Variants in VAMP4 observed in about 807,000 individuals in gnomAD.
The protein encoded by VAMP4 is vesicle-associated membrane protein 4.
A neutral mutation model predicts 23.5 loss-of-function variants in VAMP4; 19 were observed. The ratio of observed to expected loss-of-function variants is 0.81; its 90% CI spans 0.56 to 1.19. The LOEUF (loss-of-function observed/expected upper bound fraction) is 1.19. Among genes scored for constraint, VAMP4 ranks in the 50% most tolerant of loss-of-function variants. VAMP4 has a pLI of 0.00. For synonymous variants in VAMP4, 31 were observed against 51.0 expected (o/e 0.61, Z 1.67); for missense variants, 145 against 168.6 (o/e 0.86, Z 0.78).
Position 171,703,425 on chromosome 1 carries a change from G to GTT in VAMP4, c.*1080_*1081insAA, listed in dbSNP as rs1330620854. 1.2e-5 allele frequency: 1 copy of GTT among 80,674 alleles called. No homozygotes were observed. The highest frequency in any genetic ancestry group is 4.8e-5 in the African/African-American group (1 of 20,922). 5.0% of individuals were successfully genotyped at this position (80,674 alleles called of 1,614,324 possible). A position where few individuals can be genotyped will look rare whatever the true frequency, so the allele number is the denominator to read the frequency against. On this transcript the variant is annotated 3_prime_UTR_variant, in exon 8 of 8. Transcript: ENST00000236192. Reference sequence around the variant, plus strand: ...TGTGTGTGTGTGTGTGTGTTTGTGTGTATATATATATATATATATATATAT... The same window carrying GTT: ...TGTGTGTGTGTGTGTGTGTTTGTGTGTTTATATATATATATATATATATATAT...
At chr1:171,724,548 CA>C (rs569517352) in intron 3 of VAMP4, among the ~76,000 whole-genome samples, 58 of 152,128 alleles carry the variant, frequency 3.8e-4, no homozygotes, top group Admixed American at 1.3e-3. Context: ...CTGAAAACTA[CA>C]AAACACTGCT....
At chr1:171,716,341 A>G (rs1283093831) in intron 4 of VAMP4, among the ~76,000 whole-genome samples, 1 of 152,222 alleles carries the variant, frequency 6.6e-6, no homozygotes, top group Non-Finnish European at 1.5e-5. Flanking sequence ...GTCTGCTTAT[A>G]TAAATGAAAC....
intron 4 of VAMP4, among the ~76,000 whole-genome samples, chr1:171,717,073 T>G (rs1474606559): frequency 2.0e-5 from 3 of 152,202 alleles, no homozygotes; most frequent in African/African-American, 7.2e-5. Flanking sequence ...TAATGCCTAC[T>G]CTGTACAACT....
At chr1:171,705,593 G>T (rs969675063) in intron 7 of VAMP4, among the ~76,000 whole-genome samples, 6 of 152,030 alleles carry the variant, frequency 3.9e-5, no homozygotes, top group Non-Finnish European at 8.8e-5. Flanking sequence ...TGATTTTGGG[G>T]TTACAAATAA....
At chr1:171,715,927 G>C (rs1007926426) in intron 4 of VAMP4, among the ~76,000 whole-genome samples, 2 of 152,120 alleles carry the variant, frequency 1.3e-5, no homozygotes, top group African/African-American at 4.8e-5. Context: ...ATTGAGCCCA[G>C]GATTTTGAGG....
Position 171,728,456 on chromosome 1 carries a change from T to C in VAMP4, c.113+68A>G, listed in dbSNP as rs893439744. The C allele has an allele frequency of 7.7e-6, 10 of 1,290,794 alleles. No homozygotes were observed. The Admixed American group carries it at 2.5e-4, about 32-fold the overall frequency. 80.0% of individuals were successfully genotyped at this position (1,290,794 alleles called of 1,614,324 possible). A position where few individuals can be genotyped will look rare whatever the true frequency, so the allele number is the denominator to read the frequency against. ...TGCATATCTGTCAAAATGTATACAG[T>C]ATATTTTAGATATATGCATGTATTG... On this transcript the variant is annotated intron_variant, in intron 3 of 7. Coordinates refer to ENST00000236192, the MANE Select transcript of VAMP4 (RefSeq NM_003762.5).
rs1654535687 is a variant in VAMP4, at chr1:171,703,449, A to ATATATATATATATG, written c.*1056_*1057insCATATATATATATA. ...TGTATATATATATATATATATATAT[A>ATATATATATATATG]TATATATATATATATATATACACAT... On this transcript the variant is annotated 3_prime_UTR_variant, in exon 8 of 8. Transcript: ENST00000236192. 8.9e-6 allele frequency: 1 copy of ATATATATATATATG among 112,036 alleles called. No homozygotes were observed. The highest frequency in any genetic ancestry group is 3.5e-5 in the African/African-American group (1 of 28,814). 6.9% of individuals were successfully genotyped at this position (112,036 alleles called of 1,614,324 possible). A position where few individuals can be genotyped will look rare whatever the true frequency, so the allele number is the denominator to read the frequency against.
At chr1:171,708,709 A>G (rs1029401955) in intron 6 of VAMP4, among the ~76,000 whole-genome samples, 1 of 151,332 alleles carries the variant, frequency 6.6e-6, no homozygotes, top group East Asian at 1.9e-4. Context: ...AAAAAAAAAA[A>G]AAACAAAAAA....
At chr1:171,731,559 CAA>C (rs906790784) in intron 2 of VAMP4, among the ~76,000 whole-genome samples, 1 of 152,060 alleles carries the variant, frequency 6.6e-6, no homozygotes, top group Non-Finnish European at 1.5e-5. Flanking sequence ...AGCTGAGATC[CAA>C]ATAACAAAGA....
chr1:171,704,786 A>G (rs1024329731), intron 7 of VAMP4, among the ~76,000 whole-genome samples: 6 of 152,158 alleles, frequency 3.9e-5, no homozygotes, highest in Admixed American at 1.3e-4. Context: ...CTGTTAAAAT[A>G]TTACTAAAAA....
Position 171,710,830 on chromosome 1 carries a change from T to A in VAMP4, c.165-16A>T, listed in dbSNP as rs1654825759. On this transcript the variant is annotated splice_polypyrimidine_tract_variant and intron_variant, in intron 4 of 7. Transcript: ENST00000236192. ...ATTCTGAACACTAGTTTAAAAAAGA[T>A]ACACAATTATTTATCCTTCTTTTGA... 6.5e-7 allele frequency: 1 copy of A among 1,543,150 alleles called. No individual in the cohort carries two copies. Among genetic ancestry groups the A allele is most frequent in the Non-Finnish European group, 8.9e-7 (1 of 1,129,616 alleles).
At chr1:171,708,884 A>AG (rs1264339809) in intron 6 of VAMP4, among the ~76,000 whole-genome samples, 7 of 149,156 alleles carry the variant, frequency 4.7e-5, no homozygotes, top group African/African-American at 1.8e-4. Context: ...AAGAAAAAAA[A>AG]AAAAAAAAAA....
At chr1:171,712,034 G>A (rs1025201254) in intron 4 of VAMP4, among the ~76,000 whole-genome samples, 3 of 152,120 alleles carry the variant, frequency 2.0e-5, no homozygotes, top group Non-Finnish European at 4.4e-5. Flanking sequence ...GCCTAGGTGT[G>A]TAGCAGACTA....
chr1:171,741,365 G>A (rs560834219), intron 1 of VAMP4, among the ~76,000 whole-genome samples: 2 of 152,200 alleles, frequency 1.3e-5, no homozygotes, highest in South Asian at 4.1e-4. Context: ...GACTTGGATG[G>A]ACACAGACCG....
At chr1:171,716,569 A>C (rs1435934761) in intron 4 of VAMP4, among the ~76,000 whole-genome samples, 1 of 152,214 alleles carries the variant, frequency 6.6e-6, no homozygotes, top group East Asian at 1.9e-4. Flanking sequence ...AAGTGATGTC[A>C]AGTATTTTTT....
intron 7 of VAMP4, 148 bp from the exon 8 acceptor site, chr1:171,704,682 A>G (rs1654591601): frequency 5.8e-6 from 3 of 513,552 alleles, no homozygotes; most frequent in South Asian, 6.5e-5. Flanking sequence ...TAAATAATCA[A>G]TGGGAAAGGA....
intron 2 of VAMP4, among the ~76,000 whole-genome samples, chr1:171,728,991 G>C (rs1458391852): frequency 1.3e-5 from 2 of 152,190 alleles, no homozygotes; most frequent in East Asian, 1.9e-4. Context: ...AGGGAGTTTG[G>C]AGCTGAGGAC....
rs1654421130 is a variant in VAMP4, at chr1:171,701,214, C to G, written c.*3292G>C. On this transcript the variant is annotated 3_prime_UTR_variant, in exon 8 of 8. Coordinates refer to ENST00000236192, the MANE Select transcript of VAMP4 (RefSeq NM_003762.5). ...GACTTATGCTCTTACTCTCAACTCA[C>G]AGAAAAATGGAGTCCAATCACATTT... is the stretch of plus-strand genomic sequence containing the variant. 1 of 152,180 alleles carries G rather than the reference C, an allele frequency of 6.6e-6. No individual in the cohort carries two copies. The highest frequency in any genetic ancestry group is 6.5e-5 in the Admixed American group (1 of 15,276). 9.4% of individuals were successfully genotyped at this position (152,180 alleles called of 1,614,324 possible).
chr1:171,725,675 T>G (rs1655340636), intron 3 of VAMP4, among the ~76,000 whole-genome samples: 1 of 152,130 alleles, frequency 6.6e-6, no homozygotes, highest in South Asian at 2.1e-4. Context: ...CTTTCTTCAC[T>G]GCTTCTCGGG....
Sources: allele counts gnomAD v4.1 joint callset (sites outside exome capture counted in the v4.1 genomes callset), GRCh38; gene constraint gnomAD v4.1.1; transcripts MANE v1.5; gene names NCBI Gene and HGNC (gene_info 2026-07-23, HGNC 2026-07-21).